MAGEB5: variants seen among roughly 807,000 people sequenced by gnomAD.
MAGEB5 encodes the protein MAGE family member B5.
For synonymous variants in MAGEB5, 70 were observed against 75.0 expected (o/e 0.93, Z 0.34); for missense variants, 189 against 197.1 (o/e 0.96, Z 0.25).
In MAGEB5 at chrX:26,217,678, T is replaced by C. The variant is rs1929469457; in HGVS notation, c.377T>C (p.Val126Ala). The C allele has an allele frequency of 8.6e-7, 1 of 1,166,294 alleles. No homozygotes were observed. Among genetic ancestry groups the C allele is most frequent in the Non-Finnish European group, 1.1e-6 (1 of 872,721 alleles). The change falls in exon 2 of 2, where the codon GTG becomes GCG. Residue 126 changes from valine to alanine, a missense_variant. Val to Ala is a moderately conservative substitution (Grantham distance 64). Transcript: ENST00000602297. ...PNNGRIHVGKVLPKTGLLMTF... is the reference protein window; with the variant it reads ...PNNGRIHVGKALPKTGLLMTF... ...AATGGGAGGATTCATGTTGGCAAAG[T>C]GTTACCCAAGACTGGTCTCCTCATG... is the stretch of plus-strand genomic sequence containing the variant.
At chrX:26,216,546 AT>A (rs1198105810) in intron 1 of MAGEB5, among the ~76,000 whole-genome samples, 1 of 111,218 alleles carries the variant, frequency 9.0e-6, no homozygotes, top group African/African-American at 3.3e-5. Context: ...TAGGCCCTAT[AT>A]GCCAATGTAA....
chrX:26,218,048 G>A lies in MAGEB5; in HGVS notation c.747G>A (p.Gln249=). The A allele has an allele frequency of 8.5e-7, 1 of 1,172,837 alleles. No individual in the cohort carries two copies. The highest frequency in any genetic ancestry group is 1.1e-6 in the Non-Finnish European group (1 of 876,217). ...AAGATGAGGAAGAGAGCCCAAGCCA[G>A]AGATGCAGCCGAAACTGGCACTACT... The part of the protein sequence containing the change: ...ALQDEEESPS[Q]RCSRNWHYCS... Residue 249 remains glutamine, a synonymous_variant, in exon 2 of 2, where the codon CAG becomes CAA. Transcript: ENST00000602297.
At chrX:26,216,907 C>G (rs1406756790) in intron 1 of MAGEB5, among the ~76,000 whole-genome samples, 178 bp from the exon 2 acceptor site, 3 of 112,394 alleles carry the variant, frequency 2.7e-5, no homozygotes, top group African/African-American at 9.7e-5. Flanking sequence ...ATCAGGAGAA[C>G]AGAATCCCAG....
At position 26,217,976 on chromosome X, in the gene MAGEB5, T is replaced by C. The variant is rs745639742; in HGVS notation, c.675T>C (p.Asn225=). The C allele has an allele frequency of 2.7e-5, 32 of 1,200,690 alleles. No homozygotes were observed. In the African/African-American group the frequency reaches 3.9e-4, roughly 14 times the overall value. Residue 225 remains asparagine (N), a synonymous_variant, in exon 2 of 2, where the codon AAT becomes AAC. Coordinates refer to ENST00000602297, the MANE Select transcript of MAGEB5 (RefSeq NM_001271752.1). ...MKVLEYLAKV[N]DIAPGAFSSQ... is the part of the protein sequence containing the mutation. ...TCCTGGAATATTTGGCCAAGGTCAATGATATTGCTCCAGGTGCCTTCTCAT... is the reference window on the plus strand; with the variant it reads ...TCCTGGAATATTTGGCCAAGGTCAACGATATTGCTCCAGGTGCCTTCTCAT...
rs1204752973 is a variant in MAGEB5, at chrX:26,217,362, G to A, written c.61G>A (p.Glu21Lys). 1 of 1,164,301 alleles carries A rather than the reference G, an allele frequency of 8.6e-7. No individual in the cohort carries two copies. The highest frequency in any genetic ancestry group is 1.1e-6 in the Non-Finnish European group (1 of 872,405). ...SDERANSRDE[E>K]YPCSSEVSPS... The stretch of plus-strand genomic sequence containing the variant: ...CGAAAGGGCTAACAGTAGAGATGAG[G>A]AGTACCCATGTTCCTCAGAGGTCTC... The change falls in exon 2 of 2, where the codon GAG becomes AAG. Residue 21 changes from glutamate (E) to lysine (K), a missense_variant. Glu to Lys is a moderately conservative substitution (Grantham distance 56). Transcript: ENST00000602297.
chrX:26,217,639 T>G lies in MAGEB5; in HGVS notation c.338T>G (p.Leu113Arg), dbSNP rs976845665. ...CACTTATATGACCTTGTCAGCAAGCTGAAACTCCCCAACAATGGGAGGATT... is the reference window on the plus strand; with the variant it reads ...CACTTATATGACCTTGTCAGCAAGCGGAAACTCCCCAACAATGGGAGGATT... Reference protein sequence around the residue: ...TCHLYDLVSKLKLPNNGRIHV... With the variant: ...TCHLYDLVSKRKLPNNGRIHV... Residue 113 changes from leucine (L) to arginine (R), a missense_variant, in exon 2 of 2, where the codon CTG becomes CGG. Leu to Arg is a moderately radical substitution (Grantham distance 102). Transcript: ENST00000602297. 21 of 1,164,880 alleles carry G rather than the reference T, an allele frequency of 1.8e-5. No homozygotes were observed. The Admixed American group carries it at 3.9e-4, about 22-fold the overall frequency.
Position 26,217,238 on chromosome X carries a change from T to C in MAGEB5, c.-64T>C. 1 of 810,888 alleles carries C rather than the reference T, an allele frequency of 1.2e-6. No individual in the cohort carries two copies. Among genetic ancestry groups the C allele is most frequent in the African/African-American group, 2.1e-5 (1 of 47,914 alleles). 66.8% of individuals were successfully genotyped at this position (810,888 alleles called of 1,213,427 possible). A position where few individuals can be genotyped will look rare whatever the true frequency, so the allele number is the denominator to read the frequency against. ...CTTCCTCTCCTATTCTTGGGGATATTCCCCAGAGCTCATCTGCTGCTGAGT... is the reference window on the plus strand; with the variant it reads ...CTTCCTCTCCTATTCTTGGGGATATCCCCCAGAGCTCATCTGCTGCTGAGT... On this transcript the variant is annotated 5_prime_UTR_variant, in exon 2 of 2. Coordinates refer to ENST00000602297, the MANE Select transcript of MAGEB5 (RefSeq NM_001271752.1).
chrX:26,216,496 G>T (rs1315632192), intron 1 of MAGEB5, among the ~76,000 whole-genome samples: 1 of 111,627 alleles, frequency 9.0e-6, no homozygotes, highest in Non-Finnish European at 1.9e-5. Context: ...TTAGTCTGAA[G>T]GTGCAGTAGT....
Position 26,217,754 on chromosome X carries a change from T to A in MAGEB5, c.453T>A (p.Asp151Glu). 8.6e-7 allele frequency: 1 copy of A among 1,167,007 alleles called. No homozygotes were observed. ...FLKGNCANKE[D>E]TWKFLDMMQI... ...AAGGCAACTGTGCCAACAAGGAAGATACCTGGAAATTTCTGGATATGATGC... is the reference window on the plus strand; with the variant it reads ...AAGGCAACTGTGCCAACAAGGAAGAAACCTGGAAATTTCTGGATATGATGC... The change falls in exon 2 of 2, where the codon GAT (aspartate) becomes GAA (glutamate). Residue 151 changes from aspartate (D) to glutamate (E), a missense_variant. Coordinates refer to ENST00000602297, the MANE Select transcript of MAGEB5 (RefSeq NM_001271752.1).
In MAGEB5 at chrX:26,218,125, A is replaced by C; in HGVS notation, c.824A>C (p.Tyr275Ser). The C allele has an allele frequency of 9.0e-7, 1 of 1,110,640 alleles. No homozygotes were observed. The highest frequency in any genetic ancestry group is 1.2e-6 in the Non-Finnish European group (1 of 842,925). 91.5% of individuals were successfully genotyped at this position (1,110,640 alleles called of 1,213,427 possible). A position where few individuals can be genotyped will look rare whatever the true frequency, so the allele number is the denominator to read the frequency against. Residue 275 changes from tyrosine to serine, a missense_variant, in exon 2 of 2, where the codon TAT (tyrosine) becomes TCT (serine). Physicochemically the swap from Tyr to Ser is moderately radical, Grantham distance 144 (BLOSUM62 -2). Coordinates refer to ENST00000602297, the MANE Select transcript of MAGEB5 (RefSeq NM_001271752.1). ...AAGTTCAGCAGCTTCTCTCAACCCT[A>C]TTGAAGTCTGAAGCTTTTTTCATCC... ...RAKFSSFSQP[Y>S]
rs988188991 is a variant in MAGEB5, at chrX:26,218,181, AT to A, written c.*60del. On this transcript the variant is annotated 3_prime_UTR_variant, in exon 2 of 2. Coordinates refer to ENST00000602297, the MANE Select transcript of MAGEB5 (RefSeq NM_001271752.1). ...AGCAAATATAACATCACCAAAAGGG[AT>A]TTTTTTTGGAAATACAAAAGAACCC... 42 of 840,921 alleles carry A rather than the reference AT, an allele frequency of 5.0e-5. No individual in the cohort carries two copies. Among genetic ancestry groups the A allele is most frequent in the East Asian group, 7.2e-5 (2 of 27,746 alleles). 69.3% of individuals were successfully genotyped at this position (840,921 alleles called of 1,213,427 possible).
rs1297671804 is a variant in MAGEB5, at chrX:26,218,236, G to A, written c.*107G>A. 4.3e-6 allele frequency: 2 copies of A among 467,960 alleles called. No homozygotes were observed. The highest frequency in any genetic ancestry group is 3.9e-5 in the East Asian group (1 of 25,773). The allele number at this position is 467,960 out of a possible 1,213,427, so 38.6% of individuals were successfully genotyped here. On this transcript the variant is annotated 3_prime_UTR_variant, in exon 2 of 2. Coordinates refer to ENST00000602297, the MANE Select transcript of MAGEB5 (RefSeq NM_001271752.1). ...GTAAAATAATTGAGATAATGAAATAGAAAAAAATAATAAAACATGATCTTG... is the reference window on the plus strand; with the variant it reads ...GTAAAATAATTGAGATAATGAAATAAAAAAAAATAATAAAACATGATCTTG...
Position 26,217,285 on chromosome X carries a change from C to T in MAGEB5, c.-17C>T. 1 of 1,113,933 alleles carries T rather than the reference C, an allele frequency of 9.0e-7. No individual in the cohort carries two copies. Among genetic ancestry groups the T allele is most frequent in the Non-Finnish European group, 1.2e-6 (1 of 843,611 alleles). 91.8% of individuals were successfully genotyped at this position (1,113,933 alleles called of 1,213,427 possible). A position where few individuals can be genotyped will look rare whatever the true frequency, so the allele number is the denominator to read the frequency against. On this transcript the variant is annotated 5_prime_UTR_variant, in exon 2 of 2. Transcript: ENST00000602297. Reference sequence around the variant, plus strand: ...GAGTCAAGTGGCACTTCCCAGGAGCCTTGCGAATCCAGCACCATGACTTCT... The same window carrying T: ...GAGTCAAGTGGCACTTCCCAGGAGCTTTGCGAATCCAGCACCATGACTTCT...
rs763614167 is a variant in MAGEB5 at position 26,218,050 on chromosome X, G to A, written c.749G>A (p.Arg250Lys). ...LQDEEESPSQ[R>K]CSRNWHYCSG... ...GATGAGGAAGAGAGCCCAAGCCAGA[G>A]ATGCAGCCGAAACTGGCACTACTGC... The change falls in exon 2 of 2, where the codon AGA becomes AAA. Residue 250 changes from arginine (R) to lysine (K), a missense_variant. Coordinates refer to ENST00000602297, the MANE Select transcript of MAGEB5 (RefSeq NM_001271752.1). 1.3e-5 allele frequency: 15 copies of A among 1,169,842 alleles called. No individual in the cohort carries two copies. Among genetic ancestry groups the A allele is most frequent in the Admixed American group, 2.6e-5 (1 of 38,861 alleles).
Position 26,217,284 on chromosome X carries a change from C to T in MAGEB5, c.-18C>T. ...TGAGTCAAGTGGCACTTCCCAGGAG[C>T]CTTGCGAATCCAGCACCATGACTTC... On this transcript the variant is annotated 5_prime_UTR_variant, in exon 2 of 2. Transcript: ENST00000602297. The T allele has an allele frequency of 9.0e-7, 1 of 1,107,757 alleles. No homozygotes were observed. Among genetic ancestry groups the T allele is most frequent in the Non-Finnish European group, 1.2e-6 (1 of 838,424 alleles). The allele number at this position is 1,107,757 out of a possible 1,213,427, so 91.3% of individuals were successfully genotyped here.
chrX:26,217,638 C>G lies in MAGEB5; in HGVS notation c.337C>G (p.Leu113Val). The change falls in exon 2 of 2, where the codon CTG (leucine) becomes GTG (valine). Residue 113 changes from leucine to valine, a missense_variant. Coordinates refer to ENST00000602297, the MANE Select transcript of MAGEB5 (RefSeq NM_001271752.1). ...TCACTTATATGACCTTGTCAGCAAG[C>G]TGAAACTCCCCAACAATGGGAGGAT... Reference protein sequence around the residue: ...TCHLYDLVSKLKLPNNGRIHV... With the variant: ...TCHLYDLVSKVKLPNNGRIHV... 7 of 1,166,375 alleles carry G rather than the reference C, an allele frequency of 6.0e-6. No homozygotes were observed. Among genetic ancestry groups the G allele is most frequent in the Non-Finnish European group, 6.9e-6 (6 of 872,735 alleles).
chrX:26,217,634 CA>C lies in MAGEB5; in HGVS notation c.335del (p.Lys112SerfsTer2). 1 of 1,166,244 alleles carries C rather than the reference CA, an allele frequency of 8.6e-7. No homozygotes were observed. The highest frequency in any genetic ancestry group is 1.1e-6 in the Non-Finnish European group (1 of 872,732). ...CTTGTCACTTATATGACCTTGTCAG[CA>C]AGCTGAAACTCCCCAACAATGGGAG... is the stretch of plus-strand genomic sequence containing the variant. The part of the protein sequence containing the change: ...PTCHLYDLVS[K>X]LKLPNNGRIH... On this transcript the variant is annotated frameshift_variant, in exon 2 of 2. Coordinates refer to ENST00000602297, the MANE Select transcript of MAGEB5 (RefSeq NM_001271752.1). LOFTEE classifies it low-confidence loss of function (END_TRUNC).
At position 26,217,541 on chromosome X, in the gene MAGEB5, G is replaced by T; in HGVS notation, c.240G>T (p.Glu80Asp). 8.6e-7 allele frequency: 1 copy of T among 1,166,851 alleles called. No homozygotes were observed. Among genetic ancestry groups the T allele is most frequent in the East Asian group, 3.3e-5 (1 of 30,752 alleles). The change falls in exon 2 of 2, where the codon GAG (glutamate) becomes GAT (aspartate). Residue 80 changes from glutamate to aspartate, a missense_variant. Physicochemically the swap from Glu to Asp is conservative, Grantham distance 45. Coordinates refer to ENST00000602297, the MANE Select transcript of MAGEB5 (RefSeq NM_001271752.1). ...VNPRYQNQFA[E>D]IHRRASEHIE... is the part of the protein sequence containing the mutation. ...CAAGATACCAAAACCAGTTTGCTGA[G>T]ATTCACAGAAGAGCTTCTGAGCACA...
In MAGEB5 at chrX:26,217,966, C is replaced by T. The variant is rs1356018872; in HGVS notation, c.665C>T (p.Ala222Val). The part of the protein sequence containing the change: ...TSKMKVLEYL[A>V]KVNDIAPGAF... ...AAGATGAAAGTCCTGGAATATTTGG[C>T]CAAGGTCAATGATATTGCTCCAGGT... is the stretch of plus-strand genomic sequence containing the variant. The change falls in exon 2 of 2, where the codon GCC (alanine) becomes GTC (valine). Residue 222 changes from alanine to valine, a missense_variant. Physicochemically the swap from Ala to Val is moderately conservative, Grantham distance 64. Transcript: ENST00000602297. 2 of 1,204,950 alleles carry T rather than the reference C, an allele frequency of 1.7e-6. No homozygotes were observed. The highest frequency in any genetic ancestry group is 2.2e-6 in the Non-Finnish European group (2 of 891,968).
Sources: allele counts gnomAD v4.1 joint callset (sites outside exome capture counted in the v4.1 genomes callset), GRCh38; gene constraint gnomAD v4.1.1; transcripts MANE v1.5; gene names NCBI Gene and HGNC (gene_info 2026-07-23, HGNC 2026-07-21).